Variants in GSPT1 observed in about 807,000 individuals in gnomAD.
The protein encoded by GSPT1 is G1 to S phase transition 1.
Under a neutral mutation model 72.5 loss-of-function variants are expected in GSPT1, and 20 were observed. That is an observed-to-expected ratio of 0.28 (90% CI 0.19 to 0.40). The LOEUF is 0.40. Ranked by LOEUF, GSPT1 falls within the 10% of genes least tolerant of loss-of-function variation. The pLI is 1.00. For synonymous variants in GSPT1, 334 were observed against 293.5 expected (o/e 1.14, Z -1.41); for missense variants, 580 against 811.9 (o/e 0.71, Z 3.47).
rs1016991121 is a variant in GSPT1 at position 11,870,278 on chromosome 16, C to T, written c.*2841G>A. 5 of 152,124 alleles carry T rather than the reference C, an allele frequency of 3.3e-5. No individual in the cohort carries two copies. The highest frequency in any genetic ancestry group is 7.4e-5 in the Non-Finnish European group (5 of 68,018). The allele number at this position is 152,124 out of a possible 1,614,324, so 9.4% of individuals were successfully genotyped here. Reference sequence around the variant, plus strand: ...ACAAGAAATGAGTGCTGTATTTCCCCCTCTCCCACAGTAAGAAACAAGGGT... The same window carrying T: ...ACAAGAAATGAGTGCTGTATTTCCCTCTCTCCCACAGTAAGAAACAAGGGT... On this transcript the variant is annotated 3_prime_UTR_variant, in exon 15 of 15. Coordinates refer to ENST00000434724, the MANE Select transcript of GSPT1 (RefSeq NM_002094.4).
chr16:11,876,608 G>A (rs1344923463), intron 12 of GSPT1, among the ~76,000 whole-genome samples: 2 of 152,142 alleles, frequency 1.3e-5, no homozygotes, highest in African/African-American at 2.4e-5. Context: ...GCCAGGCGTG[G>A]TGGTGGGCGC....
chr16:11,892,851 A>AAAAAAAAAAAAAAG (rs1567443552), intron 5 of GSPT1, among the ~76,000 whole-genome samples: 16 of 144,108 alleles, frequency 1.1e-4, no homozygotes, highest in African/African-American at 4.2e-4. Flanking sequence ...AAAAAAAAAA[A>AAAAAAAAAAAAAAG]AAAAGAAAAG....
Position 11,888,160 on chromosome 16 carries a change from A to C in GSPT1, c.777-410T>G, listed in dbSNP as rs144884049. 2.5e-3 allele frequency among the ~76,000 whole-genome samples: 373 copies of C among 151,908 alleles called. 1 individual carries two copies. The highest frequency in any genetic ancestry group is 8.7e-3 in the African/African-American group (359 of 41,416). On this transcript the variant is annotated intron_variant, in intron 6 of 14. Coordinates refer to ENST00000434724, the MANE Select transcript of GSPT1 (RefSeq NM_002094.4). ...ACAGAGCAAGGCTCCGTCTCAAAAG[A>C]AAACAAAGAAATTGAAAGAATAGGG...
At chr16:11,873,309 T>C (rs2053999119) in intron 14 of GSPT1, 138 bp from the exon 15 acceptor site, 7 of 549,678 alleles carry the variant, frequency 1.3e-5, no homozygotes, top group Non-Finnish European at 2.0e-5. Context: ...GCCAAACCCA[T>C]GATACTTCTA....
chr16:11,915,711 C>A lies in GSPT1; in HGVS notation c.10G>T (p.Gly4Cys), dbSNP rs751081821. ...CCGCCGCCGCCGCCGCCGCCACTGCCCGGATCCATGATCGGGGGGGCCGTG... is the reference window on the plus strand; with the variant it reads ...CCGCCGCCGCCGCCGCCGCCACTGCACGGATCCATGATCGGGGGGGCCGTG... Reference protein sequence around the residue: MDPGSGGGGGGGGG... With the variant: MDPCSGGGGGGGGG... The change falls in exon 1 of 15, where the codon GGC becomes TGC. Residue 4 changes from glycine to cysteine, a missense_variant. Physicochemically the swap from Gly to Cys is radical, Grantham distance 159. Around this residue, in one of 6 missense-constraint regions of GSPT1, gnomAD observed 327 missense variants for 298.8 expected, o/e 1.09. Transcript: ENST00000434724. The A allele has an allele frequency of 2.0e-6, 3 of 1,513,256 alleles. No homozygotes were observed. The highest frequency in any genetic ancestry group is 1.8e-4 in the Middle Eastern group (1 of 5,416). The allele number at this position is 1,513,256 out of a possible 1,614,324, so 93.7% of individuals were successfully genotyped here. A position where few individuals can be genotyped will look rare whatever the true frequency, so the allele number is the denominator to read the frequency against.
At position 11,894,387 on chromosome 16, in the gene GSPT1, A is replaced by C. The variant is rs115347521; in HGVS notation, c.698+567T>G. On this transcript the variant is annotated intron_variant, in intron 5 of 14. Coordinates refer to ENST00000434724, the MANE Select transcript of GSPT1 (RefSeq NM_002094.4). ...AGGAAATTTCTATAATACGATCAAA[A>C]AATTATCTTAGCATTTTAGCTAGTC... Among the ~76,000 whole-genome samples, 452 of 152,054 alleles carry C rather than the reference A, an allele frequency of 3.0e-3. 3 individuals are homozygous for C. Among genetic ancestry groups the C allele is most frequent in the African/African-American group, 0.01 (418 of 41,492 alleles).
intron 6 of GSPT1, among the ~76,000 whole-genome samples, chr16:11,887,987 C>A (rs1236546612): frequency 2.6e-5 from 4 of 151,724 alleles, no homozygotes; most frequent in African/African-American, 9.7e-5. Flanking sequence ...CATGGTGAAG[C>A]CCTGTCTCTA....
At position 11,900,882 on chromosome 16, in the gene GSPT1, T is replaced by C. The variant is rs367575405; in HGVS notation, c.353-2847A>G. On this transcript the variant is annotated intron_variant, in intron 1 of 14. Transcript: ENST00000434724. Reference sequence around the variant, plus strand: ...CAATGGATTGTAAGTTGCAAATGGGTTGGGCATGGTGGCTCACACCTGTAG... The same window carrying C: ...CAATGGATTGTAAGTTGCAAATGGGCTGGGCATGGTGGCTCACACCTGTAG... 2.1e-4 allele frequency among the ~76,000 whole-genome samples: 32 copies of C among 151,988 alleles called. No homozygotes were observed. The East Asian group carries it at 2.9e-3, about 14-fold the overall frequency.
chr16:11,907,801 T>TA (rs1365351762), intron 1 of GSPT1, among the ~76,000 whole-genome samples: 2 of 152,228 alleles, frequency 1.3e-5, no homozygotes, highest in African/African-American at 4.8e-5. Flanking sequence ...TATCCAGCGC[T>TA]AACATTCTAA....
chr16:11,881,928 G>C (rs2054127733), intron 11 of GSPT1: 1 of 152,316 alleles, frequency 6.6e-6, no homozygotes, highest in African/African-American at 2.4e-5. Flanking sequence ...GAAAGTGCTA[G>C]GTGTTAGCCA....
chr16:11,885,741 A>T (rs2054179546), intron 9 of GSPT1, among the ~76,000 whole-genome samples: 1 of 152,016 alleles, frequency 6.6e-6, no homozygotes, highest in African/African-American at 2.4e-5. Context: ...AAAATACAAA[A>T]ATCAGCCGGG....
At chr16:11,915,134 C>G in intron 1 of GSPT1, 2 of 1,064,420 alleles carry the variant, frequency 1.9e-6, no homozygotes, top group Non-Finnish European at 2.3e-6. Context: ...GGGCGGCACT[C>G]GGGTCCGGGT....
chr16:11,876,186 A>C lies in GSPT1; in HGVS notation c.1603-11T>G. The C allele has an allele frequency of 6.7e-7, 1 of 1,500,286 alleles. No homozygotes were observed. Among genetic ancestry groups the C allele is most frequent in the Non-Finnish European group, 9.3e-7 (1 of 1,076,448 alleles). The allele number at this position is 1,500,286 out of a possible 1,614,324, so 92.9% of individuals were successfully genotyped here. A position where few individuals can be genotyped will look rare whatever the true frequency, so the allele number is the denominator to read the frequency against. Reference sequence around the variant, plus strand: ...CTCTATAATCACTATCTGTCAAACAAACACACACATTCTTATCTTTAGCCT... The same window carrying C: ...CTCTATAATCACTATCTGTCAAACACACACACACATTCTTATCTTTAGCCT... On this transcript the variant is annotated splice_polypyrimidine_tract_variant and intron_variant, in intron 12 of 14. Coordinates refer to ENST00000434724, the MANE Select transcript of GSPT1 (RefSeq NM_002094.4).
chr16:11,880,518 G>T (rs973092529), intron 11 of GSPT1, among the ~76,000 whole-genome samples: 1 of 152,120 alleles, frequency 6.6e-6, no homozygotes, highest in African/African-American at 2.4e-5. Flanking sequence ...ATTGAGATGG[G>T]ATCTCACACA....
rs534360737 is a variant in GSPT1 at position 11,902,139 on chromosome 16, T to C, written c.353-4104A>G. 1.7e-3 allele frequency among the ~76,000 whole-genome samples: 261 copies of C among 149,578 alleles called. 2 individuals carry two copies. Among genetic ancestry groups the C allele is most frequent in the African/African-American group, 5.9e-3 (240 of 40,508 alleles). On this transcript the variant is annotated intron_variant, in intron 1 of 14. Transcript: ENST00000434724. ...GGCTCATGCCTATAATCCCAGCACT[T>C]TGGGAGGCCGAGGCGGGTGGATCAC...
chr16:11,898,675 T>C (rs1288024798), intron 1 of GSPT1, among the ~76,000 whole-genome samples: 1 of 152,116 alleles, frequency 6.6e-6, no homozygotes, highest in Non-Finnish European at 1.5e-5. Context: ...GGTTTTGAAC[T>C]ACGACCTCAG....
upstream of GSPT1, chr16:11,915,969 A>G: frequency 2.8e-6 from 2 of 717,666 alleles, no homozygotes; most frequent in Non-Finnish European, 5.1e-6. Flanking sequence ...ATCTCCTCCC[A>G]CCCAACCACC....
At chr16:11,902,647 T>A (rs993058742) in intron 1 of GSPT1, among the ~76,000 whole-genome samples, 3 of 151,340 alleles carry the variant, frequency 2.0e-5, no homozygotes, top group African/African-American at 4.9e-5. Flanking sequence ...GAGTGCACTA[T>A]CGCAGTCTCG....
rs574760025 is a variant in GSPT1 at position 11,885,962 on chromosome 16, A to T, written c.1253+509T>A. On this transcript the variant is annotated intron_variant, in intron 9 of 14. Coordinates refer to ENST00000434724, the MANE Select transcript of GSPT1 (RefSeq NM_002094.4). ...CGTATTTATGGTCATTTGATTTTCAAAGAGGGAGCCAAATCAATTCAATGA... is the reference window on the plus strand; with the variant it reads ...CGTATTTATGGTCATTTGATTTTCATAGAGGGAGCCAAATCAATTCAATGA... Among the ~76,000 whole-genome samples, 223 of 152,340 alleles carry T rather than the reference A, an allele frequency of 1.5e-3. 1 individual carries two copies. Among genetic ancestry groups the T allele is most frequent in the African/African-American group, 5.1e-3 (213 of 41,580 alleles).
Sources: allele counts gnomAD v4.1 joint callset (sites outside exome capture counted in the v4.1 genomes callset), GRCh38; gene constraint gnomAD v4.1.1; regional missense constraint gnomAD v4.1.1; transcripts MANE v1.5; gene names NCBI Gene and HGNC (gene_info 2026-07-23, HGNC 2026-07-21).